Variants in SGCD observed in about 807,000 individuals in gnomAD.
SGCD encodes the protein sarcoglycan delta, also known as delta-sarcoglycan.
SGCD carries 18 observed loss-of-function variants against 36.6 expected under a neutral mutation model. The ratio of observed to expected loss-of-function variants is 0.49; its 90% CI spans 0.34 to 0.73. The LOEUF is 0.73. Ranked by LOEUF, SGCD falls within the 30% of genes least tolerant of loss-of-function variation. The pLI, the probability that SGCD is intolerant of heterozygous loss-of-function variation, is 0.01. For synonymous variants in SGCD, 133 were observed against 130.6 expected (o/e 1.02, Z -0.12); for missense variants, 387 against 346.7 (o/e 1.12, Z -0.92).
the SGCD span, among the ~76,000 whole-genome samples, chr5:155,780,418 G>A: frequency 6.6e-6 from 1 of 152,158 alleles, no homozygotes; most frequent in Non-Finnish European, 1.5e-5. Context: ...TTTCTCTGTA[G>A]CGGAACTCCT....
At chr5:156,577,443 T>A (rs560858227) in intron 4 of SGCD, among the ~76,000 whole-genome samples, 61 of 152,342 alleles carry the variant, frequency 4.0e-4, no homozygotes, top group African/African-American at 1.4e-3. Flanking sequence ...TTTTTTCCAA[T>A]TCTGTGAAGA....
intron 3 of SGCD, among the ~76,000 whole-genome samples, chr5:156,166,293 G>A (rs936629610): frequency 1.3e-5 from 2 of 152,056 alleles, no homozygotes; most frequent in Non-Finnish European, 2.9e-5. Context: ...CTTCCAAGAC[G>A]TATTGACGAA....
intron 1 of SGCD, among the ~76,000 whole-genome samples, chr5:155,977,771 A>T (rs1487911656): frequency 6.6e-6 from 1 of 152,176 alleles, no homozygotes; most frequent in East Asian, 1.9e-4. Context: ...GTCATGGTGG[A>T]TATTTTCATA....
chr5:155,763,862 C>A, the SGCD span, among the ~76,000 whole-genome samples: 1 of 148,406 alleles, frequency 6.7e-6, no homozygotes, highest in Non-Finnish European at 1.5e-5. Flanking sequence ...CAATTATATA[C>A]CTCTCTCTCT....
At chr5:156,463,676 T>G (rs1359422167) in intron 3 of SGCD, among the ~76,000 whole-genome samples, 4 of 152,136 alleles carry the variant, frequency 2.6e-5, no homozygotes, top group Non-Finnish European at 4.4e-5. Context: ...TTCACTTACT[T>G]CACTCCAGAT....
the SGCD span, among the ~76,000 whole-genome samples, chr5:155,786,987 T>C: frequency 2.0e-5 from 3 of 152,174 alleles, no homozygotes; most frequent in Admixed American, 6.5e-5. Context: ...AGGACCCACC[T>C]TCATCAGAAT....
chr5:155,981,643 T>C (rs944361761), intron 1 of SGCD, among the ~76,000 whole-genome samples: 4 of 152,220 alleles, frequency 2.6e-5, no homozygotes, highest in Middle Eastern at 3.4e-3. Context: ...CAGCTTAGTC[T>C]CCCTACCACC....
intron 3 of SGCD, among the ~76,000 whole-genome samples, chr5:156,362,473 C>G (rs1327280824): frequency 1.3e-5 from 2 of 152,110 alleles, no homozygotes; most frequent in African/African-American, 4.8e-5. Context: ...TGGTGAAACC[C>G]CATCTCTACT....
the SGCD span, among the ~76,000 whole-genome samples, chr5:155,777,606 T>C: frequency 1.3e-5 from 2 of 152,196 alleles, no homozygotes; most frequent in South Asian, 4.1e-4. Flanking sequence ...CCTATCCCAC[T>C]GAGTCTGCTG....
intron 3 of SGCD, among the ~76,000 whole-genome samples, chr5:156,402,996 T>C (rs1772233935): frequency 6.6e-6 from 1 of 152,186 alleles, no homozygotes; most frequent in Non-Finnish European, 1.5e-5. Flanking sequence ...ATAGCCGCGG[T>C]CTTTTGGCAA....
chr5:156,001,816 C>A (rs1758670177), intron 1 of SGCD, among the ~76,000 whole-genome samples: 1 of 152,158 alleles, frequency 6.6e-6, no homozygotes, highest in Non-Finnish European at 1.5e-5. Context: ...GGGCGGAGCC[C>A]CAGTCCTCCT....
intron 3 of SGCD, among the ~76,000 whole-genome samples, chr5:156,280,396 A>G (rs1436417053): frequency 6.6e-6 from 1 of 152,200 alleles, no homozygotes; most frequent in Non-Finnish European, 1.5e-5. Flanking sequence ...ACATTCACCT[A>G]CAGGGTCAGG....
chr5:156,455,449 CTT>C (rs33933820), intron 3 of SGCD, among the ~76,000 whole-genome samples: 581 of 147,524 alleles, frequency 3.9e-3, no homozygotes, highest in African/African-American at 0.011. Flanking sequence ...ATTTCAAAGA[CTT>C]TTTTTTTTTT....
intron 4 of SGCD, among the ~76,000 whole-genome samples, chr5:156,515,903 A>T (rs1014813285): frequency 6.6e-6 from 1 of 152,372 alleles, no homozygotes; most frequent in Admixed American, 6.5e-5. Flanking sequence ...GCTGTAGCAG[A>T]TTGTGGCCAG....
At chr5:156,387,402 G>C (rs1419292956) in intron 3 of SGCD, among the ~76,000 whole-genome samples, 1 of 152,156 alleles carries the variant, frequency 6.6e-6, no homozygotes, top group Non-Finnish European at 1.5e-5. Flanking sequence ...ATAATTGGGA[G>C]GGGGGTGCCT....
intron 3 of SGCD, among the ~76,000 whole-genome samples, chr5:156,389,725 C>G (rs992614208): frequency 5.3e-5 from 8 of 152,112 alleles, no homozygotes; most frequent in East Asian, 1.9e-4. Context: ...GGTTTGTGTA[C>G]CAGGATTGGA....
intron 4 of SGCD, among the ~76,000 whole-genome samples, chr5:156,544,888 G>A (rs767138092): frequency 4.6e-5 from 7 of 152,230 alleles, no homozygotes; most frequent in Non-Finnish European, 7.4e-5. Context: ...AGGAAACATC[G>A]TCTTAGCAAG....
chr5:155,866,719 C>A (rs963964601), upstream of SGCD, among the ~76,000 whole-genome samples: 3 of 152,130 alleles, frequency 2.0e-5, no homozygotes, highest in Admixed American at 6.6e-5. Context: ...CAGGGATCTT[C>A]CACTGAATCT....
chr5:156,460,251 A>G (rs978687253), intron 3 of SGCD, among the ~76,000 whole-genome samples: 3 of 152,192 alleles, frequency 2.0e-5, no homozygotes, highest in Admixed American at 6.6e-5. Flanking sequence ...GCTTATATCA[A>G]CTGAACAATG....
Sources: gnomAD v4.1 joint callset for allele counts (sites outside exome capture counted in the v4.1 genomes callset) on GRCh38, gnomAD v4.1.1 for gene constraint, MANE v1.5 for transcripts, NCBI Gene and HGNC (gene_info 2026-07-23, HGNC 2026-07-21) for gene names.